The following FMN2 variants were observed in gnomAD, a reference collection of about 807,000 sequenced individuals.
FMN2 encodes the protein formin-2.
In FMN2, 51 loss-of-function variants were observed where a neutral mutation model predicts 142.3. The ratio of observed to expected loss-of-function variants is 0.36; its 90% CI spans 0.29 to 0.45. The LOEUF (loss-of-function observed/expected upper bound fraction) is 0.45, where lower values mean the gene tolerates loss of function less well. Among genes scored for constraint, FMN2 ranks in the 20% least tolerant of loss-of-function variants. FMN2 has a pLI of 1.00. For missense variants in FMN2, 1,936 were observed against 2,122.8 expected (o/e 0.91, Z 1.73); for synonymous variants, 882 against 869.8 (o/e 1.01, Z -0.25).
At chr1:240,445,237 C>T (rs1675766821) in intron 16 of FMN2, among the ~76,000 whole-genome samples, 1 of 152,174 alleles carries the variant, frequency 6.6e-6, no homozygotes, top group Non-Finnish European at 1.5e-5. Context: ...GTATGCCCTA[C>T]TATATGCCAG....
intron 2 of FMN2, among the ~76,000 whole-genome samples, chr1:240,158,610 G>T (rs535691634): frequency 6.6e-6 from 1 of 151,878 alleles, no homozygotes; most frequent in Admixed American, 6.6e-5. Flanking sequence ...CCCCCACCAC[G>T]CCTGAATTTG....
rs28537912 is a variant in FMN2 at position 240,184,976 on chromosome 1, T to G, written c.1931-3231T>G. On this transcript the variant is annotated intron_variant, in intron 3 of 17. Coordinates refer to ENST00000319653, the MANE Select transcript of FMN2 (RefSeq NM_020066.5). ...CCTTCTCTTTCTCCCTCCTATACCTTCCCCTTCTCTTTCTCCCTCCTATAC... is the reference window on the plus strand; with the variant it reads ...CCTTCTCTTTCTCCCTCCTATACCTGCCCCTTCTCTTTCTCCCTCCTATAC... 8.8e-3 allele frequency among the ~76,000 whole-genome samples: 607 copies of G among 68,922 alleles called. 3 individuals are homozygous for G. The highest frequency in any genetic ancestry group is 0.011 in the African/African-American group (245 of 22,078). The allele number at this position is 68,922 out of a possible 152,430, so 45.2% of individuals were successfully genotyped here. A position where few individuals can be genotyped will look rare whatever the true frequency, so the allele number is the denominator to read the frequency against.
intron 6 of FMN2, among the ~76,000 whole-genome samples, chr1:240,253,881 A>C (rs1668361600): frequency 6.6e-6 from 1 of 152,066 alleles, no homozygotes; most frequent in African/African-American, 2.4e-5. Context: ...TAGTGCTTGT[A>C]ATTTCCTCAG....
At chr1:240,375,729 A>G (rs926824199) in intron 14 of FMN2, among the ~76,000 whole-genome samples, 27 of 152,160 alleles carry the variant, frequency 1.8e-4, no homozygotes, top group Non-Finnish European at 3.7e-4. Flanking sequence ...TCCAGCCTCC[A>G]TTCCCTGCAG....
intron 2 of FMN2, among the ~76,000 whole-genome samples, chr1:240,134,093 C>G (rs78667120): frequency 0.025 from 3,860 of 152,264 alleles, 56 homozygotes; most frequent in Middle Eastern, 0.054. Context: ...AGGCATTTAG[C>G]ACAATGTCTA....
chr1:240,123,000 G>T (rs1413481034), intron 1 of FMN2, among the ~76,000 whole-genome samples, 179 bp from the exon 2 acceptor site: 1 of 152,148 alleles, frequency 6.6e-6, no homozygotes, highest in African/African-American at 2.4e-5. Flanking sequence ...TTTTTATGTG[G>T]TAACTCTGGC....
Position 240,092,723 on chromosome 1 carries a change from TGCAGCAGCA to T in FMN2, c.629_637del (p.Gln210_Gln212del), listed in dbSNP as rs565189382. 4.3e-6 allele frequency: 7 copies of T among 1,612,828 alleles called. No homozygotes were observed. The highest frequency in any genetic ancestry group is 2.2e-5 in the East Asian group (1 of 44,862). ...TCAGACATCCAGCAGGCGATCCGCCTGCAGCAGCAGCAGCAGCAGCAGCTCCAGCTCCAG... is the reference window on the plus strand; with the variant it reads ...TCAGACATCCAGCAGGCGATCCGCCTGCAGCAGCAGCAGCTCCAGCTCCAG... On this transcript the variant is annotated inframe_deletion, in exon 1 of 18. Coordinates refer to ENST00000319653, the MANE Select transcript of FMN2 (RefSeq NM_020066.5).
At chr1:240,318,993 T>C (rs1670879893) in intron 8 of FMN2, among the ~76,000 whole-genome samples, 1 of 152,218 alleles carries the variant, frequency 6.6e-6, no homozygotes, top group Non-Finnish European at 1.5e-5. Context: ...TCATCTAAGA[T>C]GCTTCTGAAG....
At chr1:240,336,553 C>CAAAAAAAAA (rs552135436) in intron 13 of FMN2, among the ~76,000 whole-genome samples, 2 of 50,488 alleles carry the variant, frequency 4.0e-5, no homozygotes, top group Non-Finnish European at 9.2e-5. Flanking sequence ...TGGTATTCTC[C>CAAAAAAAAA]AAAAAAAAAA....
At chr1:240,270,772 G>A (rs910750974) in intron 7 of FMN2, among the ~76,000 whole-genome samples, 2 of 151,990 alleles carry the variant, frequency 1.3e-5, no homozygotes, top group Admixed American at 1.3e-4. Flanking sequence ...ACATTTATAT[G>A]TGGAATCTAA....
At chr1:240,427,019 C>G (rs532714053) in intron 15 of FMN2, among the ~76,000 whole-genome samples, 1 of 151,672 alleles carries the variant, frequency 6.6e-6, no homozygotes, top group Non-Finnish European at 1.5e-5. Context: ...GGATCGCAAG[C>G]GTGAGCTACC....
intron 3 of FMN2, 109 bp downstream of exon 3, chr1:240,178,177 T>G: frequency 7.9e-7 from 1 of 1,268,090 alleles, no homozygotes; most frequent in Non-Finnish European, 1.0e-6. Context: ...TTGCATGGCA[T>G]TCAGATATAA....
At chr1:240,454,280 G>T (rs1474772416) in intron 16 of FMN2, among the ~76,000 whole-genome samples, 1 of 150,928 alleles carries the variant, frequency 6.6e-6, no homozygotes, top group Non-Finnish European at 1.5e-5. Flanking sequence ...GGTGGCTCAT[G>T]CCTTTAATCC....
In FMN2 at chr1:240,208,571, T is replaced by A. The variant is rs1171184303; in HGVS notation, c.3759T>A (p.Thr1253=). The change falls in exon 5 of 18, where the codon ACT becomes ACA. Residue 1253 remains threonine (T), a synonymous_variant. Coordinates refer to ENST00000319653, the MANE Select transcript of FMN2 (RefSeq NM_020066.5). ...PPLLPQVGSS[T]LPTPQVCGFL... ...TCCTCCCACAAGTTGGGAGTAGCAC[T>A]TTACCAACCCCACAGGTGTGTGGAT... 6.2e-7 allele frequency: 1 copy of A among 1,613,512 alleles called. No homozygotes were observed. The highest frequency in any genetic ancestry group is 1.3e-5 in the African/African-American group (1 of 74,760).
At chr1:240,357,274 A>G (rs1672302658) in intron 14 of FMN2, among the ~76,000 whole-genome samples, 1 of 152,226 alleles carries the variant, frequency 6.6e-6, no homozygotes, top group Non-Finnish European at 1.5e-5. Flanking sequence ...CACATCCAAA[A>G]TATAAACAAA....
At chr1:240,337,884 T>C (rs1321896208) in intron 13 of FMN2, among the ~76,000 whole-genome samples, 1 of 152,230 alleles carries the variant, frequency 6.6e-6, no homozygotes, top group African/African-American at 2.4e-5. Flanking sequence ...CCATATTTCC[T>C]CAGGGTGCTT....
intron 14 of FMN2, among the ~76,000 whole-genome samples, chr1:240,391,684 ATAGG>A (rs1383639852): frequency 1.3e-5 from 2 of 152,160 alleles, no homozygotes; most frequent in African/African-American, 4.8e-5. Context: ...AATCTGATAG[ATAGG>A]CTAAAAATAT....
intron 16 of FMN2, among the ~76,000 whole-genome samples, chr1:240,450,729 G>A (rs765906203): frequency 3.9e-5 from 6 of 152,206 alleles, no homozygotes; most frequent in Non-Finnish European, 7.3e-5. Flanking sequence ...AGGCTGGTAT[G>A]TCTCCTTGCA....
chr1:240,248,977 A>G (rs1291737824), intron 6 of FMN2, among the ~76,000 whole-genome samples: 1 of 151,940 alleles, frequency 6.6e-6, no homozygotes, highest in Non-Finnish European at 1.5e-5. Flanking sequence ...GAGTTGTTTG[A>G]GTTCCTCATA....
Sources: allele counts gnomAD v4.1 joint callset (sites outside exome capture counted in the v4.1 genomes callset), GRCh38; gene constraint gnomAD v4.1.1; transcripts MANE v1.5; gene names NCBI Gene and HGNC (gene_info 2026-07-23, HGNC 2026-07-21).